Variants in CEP68 observed in about 807,000 individuals in gnomAD.
The protein encoded by CEP68 is centrosomal protein 68.
In CEP68, 26 loss-of-function variants were observed where a neutral mutation model predicts 55.3. The observed-to-expected ratio is 0.47, with a 90% CI of 0.34 to 0.65. The LOEUF is 0.65. Among genes scored for constraint, CEP68 ranks in the 30% least tolerant of loss-of-function variants. The probability of loss-of-function intolerance (pLI) is 0.01; values close to 1 mark genes in which losing one functional copy is unlikely to be tolerated. For missense variants in CEP68, 957 were observed against 946.7 expected, an observed-to-expected ratio of 1.01 and a Z score of -0.14; for synonymous variants, 402 against 383.2, an observed-to-expected ratio of 1.05 and a Z score of -0.57.
At chr2:65,068,436 C>G (rs543200098) in intron 1 of CEP68, among the ~76,000 whole-genome samples, 14 of 152,324 alleles carry the variant, frequency 9.2e-5, no homozygotes, top group African/African-American at 3.4e-4. Flanking sequence ...TGCACACATG[C>G]TGTGTTACAC....
At chr2:65,078,483 A>G (rs1676864368) in intron 5 of CEP68, among the ~76,000 whole-genome samples, 1 of 152,182 alleles carries the variant, frequency 6.6e-6, no homozygotes, top group Non-Finnish European at 1.5e-5. Flanking sequence ...TGAATGAAGA[A>G]CTGATGAGAG....
At chr2:65,078,365 C>T (rs6736728) in intron 5 of CEP68, among the ~76,000 whole-genome samples, 99,250 of 152,022 alleles carry the variant, frequency 0.65, 32,666 homozygotes, top group Non-Finnish European at 0.69. Context: ...TTGAATTCCT[C>T]TCTGATTATC....
intron 4 of CEP68, 108 bp downstream of exon 4, chr2:65,074,512 G>GAGACA: frequency 6.7e-7 from 1 of 1,487,542 alleles, no homozygotes; most frequent in Non-Finnish European, 9.4e-7. Flanking sequence ...TTATAGCTCA[G>GAGACA]TTGACTATTA....
intron 1 of CEP68, among the ~76,000 whole-genome samples, chr2:65,060,513 T>G (rs1254486044): frequency 6.6e-6 from 1 of 151,938 alleles, no homozygotes; most frequent in Non-Finnish European, 1.5e-5. Context: ...GAGGATTGCT[T>G]GAGTTCAGGA....
chr2:65,065,169 AGT>A (rs1294886569), intron 1 of CEP68, among the ~76,000 whole-genome samples: 2 of 152,228 alleles, frequency 1.3e-5, no homozygotes, highest in Non-Finnish European at 2.9e-5. Context: ...TGGAGTGTAG[AGT>A]GATACCACTC....
At position 65,074,771 on chromosome 2, in the gene CEP68, C is replaced by G. The variant is rs549469276; in HGVS notation, c.2007+367C>G. 9.0e-5 allele frequency: 22 copies of G among 243,220 alleles called. 1 individual carries two copies. Among genetic ancestry groups the G allele is most frequent in the Non-Finnish European group, 5.7e-5 (7 of 122,486 alleles). The allele number at this position is 243,220 out of a possible 1,614,324, so 15.1% of individuals were successfully genotyped here. ...CCTGAGCAACATAGCAAGACCCCCC[C>G]CCCTCAAAAAAAAGTTTTTTCTTAA... is the stretch of plus-strand genomic sequence containing the variant. On this transcript the variant is annotated intron_variant, in intron 4 of 6. Transcript: ENST00000377990.
chr2:65,062,252 G>A (rs559973226), intron 1 of CEP68, among the ~76,000 whole-genome samples: 1 of 152,328 alleles, frequency 6.6e-6, no homozygotes, highest in African/African-American at 2.4e-5. Flanking sequence ...AAAGAGTCCT[G>A]GCCAGGTGCG....
chr2:65,076,760 T>G (rs1392766442), intron 4 of CEP68, among the ~76,000 whole-genome samples: 2 of 152,016 alleles, frequency 1.3e-5, no homozygotes, highest in Non-Finnish European at 2.9e-5. Flanking sequence ...AGGGTAAAAC[T>G]ATCACTTCAA....
At chr2:65,077,064 C>T (rs1478283712) in intron 4 of CEP68, among the ~76,000 whole-genome samples, 2 of 133,370 alleles carry the variant, frequency 1.5e-5, no homozygotes, top group Non-Finnish European at 3.1e-5. Flanking sequence ...GGTGTGATCT[C>T]GGCTCACTGC....
At chr2:65,079,014 T>C (rs907550156) in intron 5 of CEP68, among the ~76,000 whole-genome samples, 2 of 152,214 alleles carry the variant, frequency 1.3e-5, no homozygotes, top group African/African-American at 4.8e-5. Context: ...AAGAGAATGG[T>C]AGGGTAAAGC....
Position 65,069,793 on chromosome 2 carries a change from G to A in CEP68, c.349G>A (p.Glu117Lys), listed in dbSNP as rs1676373352. ...GTCTGGAGACCTTCTGCTCTCCGGG[G>A]AAAGCCAGGTAGGTACTAAGGCAAG... ...MGSGDLLLSG[E>K]SQVEKTKLSS... Residue 117 changes from glutamate (E) to lysine (K), a missense_variant, in exon 2 of 7, where the codon GAA becomes AAA. Physicochemically the swap from Glu to Lys is moderately conservative, Grantham distance 56 (BLOSUM62 1). Coordinates refer to ENST00000377990, the MANE Select transcript of CEP68 (RefSeq NM_015147.3). The A allele has an allele frequency of 1.2e-6, 2 of 1,613,716 alleles. No individual in the cohort carries two copies. The highest frequency in any genetic ancestry group is 1.7e-6 in the Non-Finnish European group (2 of 1,179,870).
intron 5 of CEP68, among the ~76,000 whole-genome samples, chr2:65,079,556 G>A (rs1274937648): frequency 1.3e-5 from 2 of 152,148 alleles, no homozygotes; most frequent in African/African-American, 4.8e-5. Context: ...TGGCTCTTCT[G>A]GCATTTTCAC....
chr2:65,078,640 CAA>C (rs1189228478), intron 5 of CEP68, among the ~76,000 whole-genome samples: 1 of 152,238 alleles, frequency 6.6e-6, no homozygotes, highest in Non-Finnish European at 1.5e-5. Context: ...CTCCCAGGTT[CAA>C]GTGATTCTTC....
chr2:65,076,791 T>C (rs1046425738), intron 4 of CEP68, among the ~76,000 whole-genome samples: 3 of 152,060 alleles, frequency 2.0e-5, no homozygotes, highest in African/African-American at 7.2e-5. Flanking sequence ...CACCAAGTTC[T>C]GGCTGGGCAC....
chr2:65,080,774 C>T (rs1558569272), intron 5 of CEP68, among the ~76,000 whole-genome samples: 1 of 151,732 alleles, frequency 6.6e-6, no homozygotes, highest in Non-Finnish European at 1.5e-5. Flanking sequence ...GCCGAGATCA[C>T]GCCACTGTAC....
rs1573040102 is a variant in CEP68 at position 65,074,362 on chromosome 2, G to A, written c.1965G>A (p.Arg655=). The change falls in exon 4 of 7, where the codon AGG becomes AGA. Residue 655 remains arginine, a synonymous_variant. Coordinates refer to ENST00000377990, the MANE Select transcript of CEP68 (RefSeq NM_015147.3). Reference sequence around the variant, plus strand: ...TTACTGACCACGGGACTGCAGCCAGGTCCAATCTTACAAGTCTCAAGTCTT... The same window carrying A: ...TTACTGACCACGGGACTGCAGCCAGATCCAATCTTACAAGTCTCAAGTCTT... ...ADVTDHGTAA[R]SNLTSLKSSL... 6.2e-7 allele frequency: 1 copy of A among 1,614,180 alleles called. No individual in the cohort carries two copies. The highest frequency in any genetic ancestry group is 8.5e-7 in the Non-Finnish European group (1 of 1,180,006).
chr2:65,071,476 C>T lies in CEP68; in HGVS notation c.380C>T (p.Ser127Phe). The T allele has an allele frequency of 6.2e-7, 1 of 1,613,894 alleles. No individual in the cohort carries two copies. Among genetic ancestry groups the T allele is most frequent in the African/African-American group, 1.3e-5 (1 of 75,040 alleles). Residue 127 changes from serine to phenylalanine, a missense_variant, in exon 3 of 7, where the codon TCC becomes TTC. Coordinates refer to ENST00000377990, the MANE Select transcript of CEP68 (RefSeq NM_015147.3). ...ESQVEKTKLS[S>F]SEEFPQTLSL... ...CAGGTGGAGAAGACCAAGCTTTCTTCCTCCGAGGAGTTCCCTCAGACTCTG... is the reference window on the plus strand; with the variant it reads ...CAGGTGGAGAAGACCAAGCTTTCTTTCTCCGAGGAGTTCCCTCAGACTCTG...
chr2:65,058,937 T>C (rs1035527205), intron 1 of CEP68, among the ~76,000 whole-genome samples: 1 of 152,140 alleles, frequency 6.6e-6, no homozygotes, highest in East Asian at 1.9e-4. Context: ...TGGTGCCAAA[T>C]AGCAATTTGG....
At chr2:65,075,271 A>C (rs1029935418) in intron 4 of CEP68, 9 of 149,718 alleles carry the variant, frequency 6.0e-5, no homozygotes, top group Admixed American at 3.3e-4. Context: ...AAAAAAAAAA[A>C]CATAAAAAAT....
Sources: gnomAD v4.1 joint callset for allele counts (sites outside exome capture counted in the v4.1 genomes callset) on GRCh38, gnomAD v4.1.1 for gene constraint, MANE v1.5 for transcripts, NCBI Gene and HGNC (gene_info 2026-07-23, HGNC 2026-07-21) for gene names.